The following POC1B variants were observed in gnomAD, a reference collection of about 807,000 sequenced individuals.
The protein encoded by POC1B is POC1 centriolar protein B, also known as POC1 centriolar protein homolog B.
Under a neutral mutation model 60.6 loss-of-function variants are expected in POC1B, and 44 were observed. The observed-to-expected ratio is 0.73, with a 90% CI of 0.57 to 0.93. The LOEUF is 0.93. Among genes scored for constraint, POC1B ranks in the 40% least tolerant of loss-of-function variants. The pLI is 0.00. For synonymous variants in POC1B, 180 were observed against 198.9 expected (o/e 0.90, Z 0.80); for missense variants, 555 against 572.3 (o/e 0.97, Z 0.31).
At chr12:89,446,821 G>T (rs1881812355) in intron 10 of POC1B, among the ~76,000 whole-genome samples, 1 of 152,116 alleles carries the variant, frequency 6.6e-6, no homozygotes, top group Non-Finnish European at 1.5e-5. Flanking sequence ...GAAATAGGTT[G>T]TTATAGGGAA....
At chr12:89,460,362 G>A (rs556021821) in intron 9 of POC1B, among the ~76,000 whole-genome samples, 1 of 152,194 alleles carries the variant, frequency 6.6e-6, no homozygotes, top group African/African-American at 2.4e-5. Flanking sequence ...GCTCAAATAA[G>A]TAGAAACTGT....
chr12:89,497,215 C>T lies in POC1B; in HGVS notation c.228G>A (p.Ala76=), dbSNP rs373488277. 8.4e-5 allele frequency: 135 copies of T among 1,613,812 alleles called. No individual in the cohort carries two copies. The highest frequency in any genetic ancestry group is 1.1e-4 in the Non-Finnish European group (125 of 1,180,022). Residue 76 remains alanine (A), a synonymous_variant, in exon 3 of 12, where the codon GCG becomes GCA. Transcript: ENST00000313546. Reference sequence around the variant, plus strand: ...TCACGGTTCTGTCTCGTGAGGCAGACGCCAATAAGTTTCCATGTGGAGAAA... The same window carrying T: ...TCACGGTTCTGTCTCGTGAGGCAGATGCCAATAAGTTTCCATGTGGAGAAA... ...VQFSPHGNLL[A]SASRDRTVRL... is the part of the protein sequence containing the mutation.
chr12:89,444,937 T>A (rs1167625932), intron 10 of POC1B, among the ~76,000 whole-genome samples: 2 of 152,040 alleles, frequency 1.3e-5, no homozygotes, highest in Non-Finnish European at 2.9e-5. Context: ...TGTGCAAAAA[T>A]CACAAGCATT....
At chr12:89,465,895 A>G (rs1322878330) in intron 9 of POC1B, among the ~76,000 whole-genome samples, 3 of 152,242 alleles carry the variant, frequency 2.0e-5, no homozygotes, top group Admixed American at 2.0e-4. Context: ...GGAGACTAGC[A>G]GAAGTGCCTG....
the POC1B span, among the ~76,000 whole-genome samples, chr12:89,403,804 G>A: frequency 6.6e-6 from 1 of 152,092 alleles, no homozygotes; most frequent in African/African-American, 2.4e-5. Context: ...GTCTTCATTA[G>A]TTGTCTCTAT....
chr12:89,446,745 G>A (rs1881807735), intron 10 of POC1B, among the ~76,000 whole-genome samples: 1 of 151,548 alleles, frequency 6.6e-6, no homozygotes, highest in Non-Finnish European at 1.5e-5. Flanking sequence ...AAAACATTTT[G>A]ACTAAAAACC....
chr12:89,472,136 C>T (rs1360332958), intron 5 of POC1B, 32 bp downstream of exon 5: 1 of 1,350,728 alleles, frequency 7.4e-7, no homozygotes, highest in Non-Finnish European at 1.0e-6. Context: ...AGAAAACTAA[C>T]CCACATAAAT....
rs183567275 is a variant in POC1B, at chr12:89,512,050, T to C, written c.100+13070A>G. ...GCGTGGGTGACAGAGTAAGACTGTC[T>C]CAAAACAACAATAAACCTAGATGGA... On this transcript the variant is annotated intron_variant, in intron 2 of 11. Coordinates refer to ENST00000313546, the MANE Select transcript of POC1B (RefSeq NM_172240.3). Among the ~76,000 whole-genome samples, 31 of 152,214 alleles carry C rather than the reference T, an allele frequency of 2.0e-4. No homozygotes were observed. The East Asian group carries it at 5.4e-3, about 27-fold the overall frequency.
intron 10 of POC1B, among the ~76,000 whole-genome samples, chr12:89,440,013 T>C (rs1353749708): frequency 1.3e-5 from 2 of 152,226 alleles, no homozygotes; most frequent in Non-Finnish European, 1.5e-5. Context: ...CTAACATTCA[T>C]ACTTTCACAG....
At chr12:89,502,273 A>G (rs1409591534) in intron 2 of POC1B, 1 of 1,552,126 alleles carries the variant, frequency 6.4e-7, no homozygotes, top group African/African-American at 1.4e-5. Flanking sequence ...GATACCAAAG[A>G]ACAGAATCCA....
rs778114584 is a variant in POC1B, at chr12:89,522,768, T to C, written c.100+2352A>G. Reference sequence around the variant, plus strand: ...ACTGAGGCTCTTAAGGCTCTTTGACTTTCTTGACACTACTGTCAGCTCATG... The same window carrying C: ...ACTGAGGCTCTTAAGGCTCTTTGACCTTCTTGACACTACTGTCAGCTCATG... On this transcript the variant is annotated intron_variant, in intron 2 of 11. Transcript: ENST00000313546. 11 of 1,522,980 alleles carry C rather than the reference T, an allele frequency of 7.2e-6. No individual in the cohort carries two copies. In the East Asian group the frequency reaches 1.1e-4, roughly 16 times the overall value. 94.3% of individuals were successfully genotyped at this position (1,522,980 alleles called of 1,614,324 possible). A position where few individuals can be genotyped will look rare whatever the true frequency, so the allele number is the denominator to read the frequency against.
At chr12:89,514,345 G>A (rs1870333767) in intron 2 of POC1B, among the ~76,000 whole-genome samples, 1 of 148,276 alleles carries the variant, frequency 6.7e-6, no homozygotes, top group African/African-American at 2.5e-5. Context: ...TATAGCCTGT[G>A]GAACTGTGAG....
chr12:89,502,834 T>C (rs1592632833), intron 2 of POC1B, among the ~76,000 whole-genome samples: 1 of 152,186 alleles, frequency 6.6e-6, no homozygotes, highest in East Asian at 1.9e-4. Flanking sequence ...AAATACCTTA[T>C]ATAATAAGTA....
intron 4 of POC1B, among the ~76,000 whole-genome samples, chr12:89,480,428 C>CT (rs112776690): frequency 4.3e-3 from 601 of 139,654 alleles, no homozygotes; most frequent in Non-Finnish European, 5.6e-3. Flanking sequence ...ATTTATAATT[C>CT]TTTTTTTTTT....
chr12:89,483,026 G>T (rs1868430985), intron 4 of POC1B, among the ~76,000 whole-genome samples: 1 of 150,614 alleles, frequency 6.6e-6, no homozygotes, highest in African/African-American at 2.4e-5. Context: ...CAATTCTCCT[G>T]CCTCAGCCTC....
chr12:89,513,603 CTGGCCTAA>C (rs1242719691), intron 2 of POC1B, among the ~76,000 whole-genome samples: 1 of 152,192 alleles, frequency 6.6e-6, no homozygotes, highest in Non-Finnish European at 1.5e-5. Flanking sequence ...AAAGGGATGA[CTGGCCTAA>C]TGGAAAAGGG....
intron 10 of POC1B, among the ~76,000 whole-genome samples, chr12:89,432,661 G>C (rs1328473285): frequency 6.6e-6 from 1 of 152,198 alleles, no homozygotes; most frequent in African/African-American, 2.4e-5. Flanking sequence ...GCAATGTGCT[G>C]TGTTATGATG....
At chr12:89,447,670 T>C (rs1267752015) in intron 10 of POC1B, among the ~76,000 whole-genome samples, 1 of 152,142 alleles carries the variant, frequency 6.6e-6, no homozygotes, top group Non-Finnish European at 1.5e-5. Context: ...TTAAGAATAA[T>C]ATTTACTCAG....
At chr12:89,510,763 C>CTTTTTTG (rs1870139330) in intron 2 of POC1B, among the ~76,000 whole-genome samples, 1 of 139,088 alleles carries the variant, frequency 7.2e-6, no homozygotes, top group African/African-American at 2.7e-5. Context: ...TGTTTTTATT[C>CTTTTTTG]TTTTTTTTTT....
Sources: allele counts gnomAD v4.1 joint callset (sites outside exome capture counted in the v4.1 genomes callset), GRCh38; gene constraint gnomAD v4.1.1; transcripts MANE v1.5; gene names NCBI Gene and HGNC (gene_info 2026-07-23, HGNC 2026-07-21).